The following KLF12 variants were observed in gnomAD, a reference collection of about 807,000 sequenced individuals.
KLF12 encodes the protein KLF transcription factor 12.
A neutral mutation model predicts 37.8 loss-of-function variants in KLF12; 9 were observed. The observed-to-expected ratio is 0.24, with a 90% CI of 0.14 to 0.42. The LOEUF (loss-of-function observed/expected upper bound fraction) is 0.42. Among genes scored for constraint, KLF12 ranks in the 10% least tolerant of loss-of-function variants. The pLI is 1.00. For missense variants in KLF12, 411 were observed against 516.0 expected, an observed-to-expected ratio of 0.80 and a Z score of 1.97; for synonymous variants, 208 against 202.1, an observed-to-expected ratio of 1.03 and a Z score of -0.25.
At chr13:74,113,224 A>G (rs1313781933) in intron 1 of KLF12, among the ~76,000 whole-genome samples, 2 of 152,268 alleles carry the variant, frequency 1.3e-5, no homozygotes, top group African/African-American at 4.8e-5. Context: ...AGCTGCAACA[A>G]GTTATCCGGA....
intron 5 of KLF12, among the ~76,000 whole-genome samples, chr13:73,788,068 A>T (rs766128222): frequency 4.7e-4 from 72 of 152,172 alleles, no homozygotes; most frequent in Non-Finnish European, 1.6e-4. Context: ...TTCTCTTATA[A>T]TATAAAGTCT....
the KLF12 span, chr13:74,260,064 C>T: frequency 6.6e-6 from 1 of 152,074 alleles, no homozygotes; most frequent in African/African-American, 2.4e-5. Flanking sequence ...TTTGTGTCCC[C>T]TCTGGAGTGC....
chr13:74,100,618 AATATAT>A (rs56256469), intron 1 of KLF12, among the ~76,000 whole-genome samples: 10 of 149,432 alleles, frequency 6.7e-5, no homozygotes, highest in Non-Finnish European at 1.5e-4. Flanking sequence ...GTCCATCTCA[AATATAT>A]ATATATATAT....
chr13:73,943,633 A>T (rs796839489), intron 3 of KLF12, among the ~76,000 whole-genome samples: 17 of 152,314 alleles, frequency 1.1e-4, no homozygotes, highest in African/African-American at 4.1e-4. Flanking sequence ...CAACCAAACT[A>T]TGATGACACT....
intron 1 of KLF12, among the ~76,000 whole-genome samples, chr13:74,133,056 G>T (rs1036598859): frequency 6.6e-6 from 1 of 152,136 alleles, no homozygotes; most frequent in African/African-American, 2.4e-5. Flanking sequence ...CAGGTCCCCC[G>T]TAATTGAAAA....
intron 5 of KLF12, among the ~76,000 whole-genome samples, chr13:73,774,957 G>A (rs987894832): frequency 7.0e-6 from 1 of 143,024 alleles, no homozygotes; most frequent in African/African-American, 2.6e-5. Flanking sequence ...TTGCTCTGTA[G>A]CCCAGGCTGG....
chr13:73,953,697 T>G (rs929609394), intron 2 of KLF12, among the ~76,000 whole-genome samples: 2 of 152,210 alleles, frequency 1.3e-5, no homozygotes, highest in African/African-American at 4.8e-5. Context: ...TGATTTCAAG[T>G]TGCTCCTTAT....
upstream of KLF12, among the ~76,000 whole-genome samples, chr13:74,135,645 C>T (rs867352819): frequency 1.7e-4 from 26 of 151,722 alleles, no homozygotes; most frequent in African/African-American, 6.0e-4. Flanking sequence ...GGGCCCGCCT[C>T]CTCACCATCC....
chr13:74,015,263 G>A (rs1892658134), intron 1 of KLF12, among the ~76,000 whole-genome samples: 1 of 152,096 alleles, frequency 6.6e-6, no homozygotes, highest in Non-Finnish European at 1.5e-5. Context: ...AATTCTTTGT[G>A]CAATTTCTGA....
intron 1 of KLF12, among the ~76,000 whole-genome samples, chr13:74,035,156 C>T (rs1202052519): frequency 3.3e-5 from 5 of 152,158 alleles, no homozygotes; most frequent in Non-Finnish European, 5.9e-5. Flanking sequence ...TCCAAAGATG[C>T]TTGAGCCCAT....
intron 3 of KLF12, among the ~76,000 whole-genome samples, chr13:73,898,421 G>A (rs527800202): frequency 6.6e-6 from 1 of 152,164 alleles, no homozygotes; most frequent in Admixed American, 6.5e-5. Context: ...CAAAGCTGAA[G>A]ACAGAGATAA....
At chr13:74,159,836 T>C in the KLF12 span, among the ~76,000 whole-genome samples, 3,036 of 152,138 alleles carry the variant, frequency 0.02, 109 homozygotes, top group African/African-American at 0.066. Context: ...CTGGGCAACA[T>C]GGCGAAACCC....
At chr13:74,058,142 T>C (rs371871691) in intron 1 of KLF12, among the ~76,000 whole-genome samples, 48 of 151,498 alleles carry the variant, frequency 3.2e-4, no homozygotes, top group African/African-American at 1.1e-3. Context: ...AATTTTTGTA[T>C]TTTTAGTAGA....
the KLF12 span, among the ~76,000 whole-genome samples, chr13:74,154,071 C>CA: frequency 0.43 from 62,142 of 146,062 alleles, 13,848 homozygotes; most frequent in East Asian, 0.72. Flanking sequence ...AGTAAAATAC[C>CA]AAAAAAAAAA....
chr13:74,286,298 A>G, the KLF12 span, among the ~76,000 whole-genome samples: 1 of 152,232 alleles, frequency 6.6e-6, no homozygotes, highest in Non-Finnish European at 1.5e-5. Flanking sequence ...AAACTGTAAT[A>G]TGATTAAAAC....
chr13:74,047,522 G>C (rs375787412), intron 1 of KLF12, among the ~76,000 whole-genome samples: 53 of 151,872 alleles, frequency 3.5e-4, no homozygotes, highest in African/African-American at 1.2e-3. Context: ...GAGTGAACCC[G>C]GGAGGCAGAG....
the KLF12 span, among the ~76,000 whole-genome samples, chr13:74,251,681 C>T: frequency 1.3e-5 from 2 of 152,116 alleles, no homozygotes; most frequent in African/African-American, 4.8e-5. Flanking sequence ...GGCTGACTGG[C>T]GTTCAGAGAT....
At chr13:74,275,803 T>C in the KLF12 span, among the ~76,000 whole-genome samples, 3,141 of 85,958 alleles carry the variant, frequency 0.037, 83 homozygotes, top group Middle Eastern at 0.06. Flanking sequence ...TCTTTCTTTC[T>C]TTCCTTCTTT....
At chr13:73,738,116 TATATATATAC>T (rs1877637211) in intron 6 of KLF12, among the ~76,000 whole-genome samples, 8 of 66,600 alleles carry the variant, frequency 1.2e-4, no homozygotes, top group African/African-American at 2.0e-4. Context: ...TATATATATA[TATATATATAC>T]ACACACACAC....
Sources: allele counts gnomAD v4.1 joint callset (sites outside exome capture counted in the v4.1 genomes callset), GRCh38; gene constraint gnomAD v4.1.1; transcripts MANE v1.5; gene names NCBI Gene and HGNC (gene_info 2026-07-23, HGNC 2026-07-21).